CFHR2: variants seen among roughly 807,000 people sequenced by gnomAD.
The protein encoded by CFHR2 is complement factor H-related protein 2.
CFHR2 carries 22 observed loss-of-function variants against 21.7 expected under a neutral mutation model. That is an observed-to-expected ratio of 1.01 (90% CI 0.72 to 1.45). CFHR2 has a LOEUF of 1.45. Among genes scored for constraint, CFHR2 ranks in the 40% most tolerant of loss-of-function variants. The probability of loss-of-function intolerance (pLI) is 0.00; values close to 1 mark genes in which losing one functional copy is unlikely to be tolerated. For missense variants in CFHR2, 294 were observed against 293.3 expected (o/e 1.00, Z -0.02); for synonymous variants, 98 against 97.4 (o/e 1.01, Z -0.04).
In CFHR2 at chr1:196,958,906, T is replaced by C; in HGVS notation, c.639T>C (p.Ile213=). The C allele has an allele frequency of 6.3e-7, 1 of 1,589,382 alleles. No homozygotes were observed. The highest frequency in any genetic ancestry group is 1.1e-5 in the South Asian group (1 of 89,844). Residue 213 remains isoleucine, a synonymous_variant, in exon 5 of 5, where the codon ATT becomes ATC. Transcript: ENST00000367415. ...ATCCATGTGTAATATCACAAGAAAT[T>C]ATGGAAAAATATAACATAAAATTAA... The part of the protein sequence containing the change: ...CLDPCVISQE[I]MEKYNIKLKW...
At chr1:196,957,763 C>A in intron 3 of CFHR2, 128 bp from the exon 4 acceptor site, 1 of 793,756 alleles carries the variant, frequency 1.3e-6, no homozygotes, top group Non-Finnish European at 2.0e-6. Context: ...AATTTTACTC[C>A]GGGAATCATT....
chr1:196,951,612 A>G (rs1659728713), intron 3 of CFHR2, among the ~76,000 whole-genome samples: 1 of 152,086 alleles, frequency 6.6e-6, no homozygotes, highest in Admixed American at 6.6e-5. Flanking sequence ...ATAGCTCCTC[A>G]GTAATTGTTT....
chr1:196,958,150 T>G, intron 4 of CFHR2, 77 bp downstream of exon 4: 11 of 1,416,192 alleles, frequency 7.8e-6, no homozygotes, highest in Non-Finnish European at 1.1e-5. Context: ...TGTAATAGAA[T>G]TTTCACAGAT....
chr1:196,959,268 C>G lies in CFHR2; in HGVS notation c.*188C>G. ...ATGGTGAGGACTATCTTCACCAAAT[C>G]TAAGTAACAACCTAGGAATTGTCTT... On this transcript the variant is annotated 3_prime_UTR_variant, in exon 5 of 5. Transcript: ENST00000367415. The G allele has an allele frequency of 1.9e-6, 1 of 519,636 alleles. No homozygotes were observed. The highest frequency in any genetic ancestry group is 3.2e-5 in the East Asian group (1 of 31,350). The allele number at this position is 519,636 out of a possible 1,614,324, so 32.2% of individuals were successfully genotyped here.
At chr1:196,956,872 C>T (rs939744042) in intron 3 of CFHR2, among the ~76,000 whole-genome samples, 1 of 151,502 alleles carries the variant, frequency 6.6e-6, no homozygotes, top group Non-Finnish European at 1.5e-5. Context: ...TTGCAAAAAT[C>T]TTATTTGGCA....
At position 196,952,570 on chromosome 1, in the gene CFHR2, T is replaced by C. The variant is rs138003175; in HGVS notation, c.430+1542T>C. Among the ~76,000 whole-genome samples, 562 of 152,328 alleles carry C rather than the reference T, an allele frequency of 3.7e-3. 5 individuals carry two copies. Among genetic ancestry groups the C allele is most frequent in the Middle Eastern group, 0.024 (7 of 294 alleles). ...ATGGCTATTGTCAGCCCAACAATTA[T>C]AATTTAGAAGCTTGACAAATTAAGT... On this transcript the variant is annotated intron_variant, in intron 3 of 4. Transcript: ENST00000367415.
intron 1 of CFHR2, among the ~76,000 whole-genome samples, chr1:196,949,021 CAG>C (rs1442633177): frequency 2.0e-5 from 3 of 151,942 alleles, no homozygotes; most frequent in African/African-American, 7.3e-5. Context: ...AAAAATAGGA[CAG>C]AGTTTCTGGT....
At chr1:196,953,287 CTTAT>C (rs1652719872) in intron 3 of CFHR2, among the ~76,000 whole-genome samples, 1 of 151,466 alleles carries the variant, frequency 6.6e-6, no homozygotes, top group African/African-American at 2.4e-5. Flanking sequence ...TACTTATTTA[CTTAT>C]TTATTTTTTG....
chr1:196,958,620 C>A (rs913822441), intron 4 of CFHR2, among the ~76,000 whole-genome samples: 1 of 152,030 alleles, frequency 6.6e-6, no homozygotes, highest in African/African-American at 2.4e-5. Context: ...TTCTAAAATG[C>A]AACTATCTTA....
intron 3 of CFHR2, among the ~76,000 whole-genome samples, chr1:196,955,169 C>T (rs1419967895): frequency 2.0e-5 from 3 of 152,158 alleles, no homozygotes; most frequent in Admixed American, 1.3e-4. Context: ...TCTCTCTCAA[C>T]TTCAAAGTTC....
In CFHR2 at chr1:196,958,017, G is replaced by T. The variant is rs1228764174; in HGVS notation, c.557G>T (p.Gly186Val). The T allele has an allele frequency of 1.9e-6, 3 of 1,613,534 alleles. No individual in the cohort carries two copies. Among genetic ancestry groups the T allele is most frequent in the East Asian group, 4.5e-5 (2 of 44,848 alleles). Reference protein sequence around the residue: ...YQCQNLYQLEGNNQITCRNGQ... With the variant: ...YQCQNLYQLEVNNQITCRNGQ... Reference sequence around the variant, plus strand: ...TGCCAGAACTTGTATCAACTTGAGGGTAACAATCAAATAACATGTAGAAAC... The same window carrying T: ...TGCCAGAACTTGTATCAACTTGAGGTTAACAATCAAATAACATGTAGAAAC... The change falls in exon 4 of 5, where the codon GGT becomes GTT. Residue 186 changes from glycine (G) to valine (V), a missense_variant. Gly to Val is a moderately radical substitution (Grantham distance 109, BLOSUM62 -3). Coordinates refer to ENST00000367415, the MANE Select transcript of CFHR2 (RefSeq NM_005666.4).
intron 3 of CFHR2, among the ~76,000 whole-genome samples, chr1:196,956,726 C>G (rs1322737426): frequency 1.3e-5 from 2 of 152,062 alleles, no homozygotes; most frequent in Non-Finnish European, 2.9e-5. Flanking sequence ...TCAATTTCAA[C>G]ATCTGTGTCT....
At chr1:196,947,075 G>A (rs906042662) in intron 1 of CFHR2, among the ~76,000 whole-genome samples, 9 of 152,078 alleles carry the variant, frequency 5.9e-5, no homozygotes, top group Admixed American at 5.9e-4. Flanking sequence ...TGAGCGATCA[G>A]TCATTGACCA....
Position 196,948,711 on chromosome 1 carries a change from G to T in CFHR2, c.59-744G>T, listed in dbSNP as rs140566811. ...TATTGTCTTTTTATTGTTTTTTTCC[G>T]AATATTTTTGATCTGCAGTTGGTTG... On this transcript the variant is annotated intron_variant, in intron 1 of 4. Coordinates refer to ENST00000367415, the MANE Select transcript of CFHR2 (RefSeq NM_005666.4). 7.8e-3 allele frequency among the ~76,000 whole-genome samples: 1,173 copies of T among 150,872 alleles called. 19 individuals carry two copies. Among genetic ancestry groups the T allele is most frequent in the African/African-American group, 0.027 (1,120 of 41,080 alleles).
intron 2 of CFHR2, among the ~76,000 whole-genome samples, chr1:196,949,917 A>G (rs1659661957): frequency 6.6e-6 from 1 of 152,186 alleles, no homozygotes; most frequent in African/African-American, 2.4e-5. Context: ...GACTGCTAAT[A>G]TTTCTTTACT....
intron 3 of CFHR2, among the ~76,000 whole-genome samples, chr1:196,955,679 T>A (rs1390776363): frequency 6.6e-6 from 1 of 151,020 alleles, no homozygotes; most frequent in Non-Finnish European, 1.5e-5. Context: ...TGAAACTCTG[T>A]CTTTGATAAA....
At chr1:196,944,552 G>C (rs1487577509) in intron 1 of CFHR2, among the ~76,000 whole-genome samples, 1 of 151,786 alleles carries the variant, frequency 6.6e-6, no homozygotes, top group East Asian at 1.9e-4. Flanking sequence ...GGCTTCTTAT[G>C]ATATTTTATA....
At chr1:196,946,906 G>C (rs1659517873) in intron 1 of CFHR2, among the ~76,000 whole-genome samples, 1 of 152,116 alleles carries the variant, frequency 6.6e-6, no homozygotes, top group African/African-American at 2.4e-5. Context: ...GTACAAAATT[G>C]TGTGTGGCAT....
Position 196,957,982 on chromosome 1 carries a change from T to C in CFHR2, c.522T>C (p.Val174=), listed in dbSNP as rs1488835372. The C allele has an allele frequency of 2.5e-6, 4 of 1,613,810 alleles. No homozygotes were observed. The highest frequency in any genetic ancestry group is 2.2e-5 in the East Asian group (1 of 44,846). Residue 174 remains valine, a synonymous_variant, in exon 4 of 5, where the codon GTT becomes GTC. Coordinates refer to ENST00000367415, the MANE Select transcript of CFHR2 (RefSeq NM_005666.4). ...CAGTATATGCTCCAGGTTCATCAGTTGAGTACCAGTGCCAGAACTTGTATC... is the reference window on the plus strand; with the variant it reads ...CAGTATATGCTCCAGGTTCATCAGTCGAGTACCAGTGCCAGAACTTGTATC... ...LLSVYAPGSS[V]EYQCQNLYQL... is the part of the protein sequence containing the mutation.
Sources: allele counts gnomAD v4.1 joint callset (sites outside exome capture counted in the v4.1 genomes callset), GRCh38; gene constraint gnomAD v4.1.1; transcripts MANE v1.5; gene names NCBI Gene and HGNC (gene_info 2026-07-23, HGNC 2026-07-21).